Variants in SYT2 observed in about 807,000 individuals in gnomAD.
The protein encoded by SYT2 is synaptotagmin 2, also known as synaptotagmin-2.
Under a neutral mutation model 39.9 loss-of-function variants are expected in SYT2, and 15 were observed. That is an observed-to-expected ratio of 0.38 (90% CI 0.25 to 0.58). The LOEUF (loss-of-function observed/expected upper bound fraction) is 0.58. Ranked by LOEUF, SYT2 falls within the 20% of genes least tolerant of loss-of-function variation. The pLI is 0.70. For synonymous variants in SYT2, 181 were observed against 204.5 expected, an observed-to-expected ratio of 0.89 and a Z score of 0.98; for missense variants, 389 against 530.3, an observed-to-expected ratio of 0.73 and a Z score of 2.62.
Position 202,599,201 on chromosome 1 carries a change from A to G in SYT2, c.1053+17T>C. The stretch of plus-strand genomic sequence containing the variant: ...CCCAAACCCTGCTCCATGCCTAGGA[A>G]CCCAGGGCTCCAGCACCTGAATCTG... On this transcript the variant is annotated intron_variant, in intron 8 of 8. Transcript: ENST00000367268. The surrounding 1 kb of genome is among the most constrained non-coding windows in gnomAD (Gnocchi z 4.4). 6.2e-7 allele frequency: 1 copy of G among 1,612,654 alleles called. No homozygotes were observed.
chr1:202,699,303 C>T (rs975609499), intron 1 of SYT2, among the ~76,000 whole-genome samples: 1 of 152,026 alleles, frequency 6.6e-6, no homozygotes, highest in Non-Finnish European at 1.5e-5. Flanking sequence ...ATTACAGGTG[C>T]GAGCCACTGC....
chr1:202,627,661 G>A, intron 1 of SYT2: 6 of 983,324 alleles, frequency 6.1e-6, no homozygotes, highest in Non-Finnish European at 7.2e-6. Context: ...TGGTTAATGA[G>A]GGTTTGACCA....
chr1:202,638,006 C>T (rs911433905), intron 1 of SYT2, among the ~76,000 whole-genome samples: 7 of 152,370 alleles, frequency 4.6e-5, no homozygotes, highest in South Asian at 4.1e-4. Context: ...TTGCCAACAG[C>T]GGGCAATTCC....
chr1:202,620,258 G>A (rs1691167984), intron 1 of SYT2, among the ~76,000 whole-genome samples: 1 of 152,232 alleles, frequency 6.6e-6, no homozygotes, highest in East Asian at 1.9e-4. Flanking sequence ...GCCTCTGCAA[G>A]TGGCCCCAGG....
At position 202,628,176 on chromosome 1, in the gene SYT2, G is replaced by A. The variant is rs1191462580; in HGVS notation, c.-17-22387C>T. Among the ~76,000 whole-genome samples the A allele has an allele frequency of 6.6e-6, 1 of 152,198 alleles. No homozygotes were observed. The highest frequency in any genetic ancestry group is 1.5e-5 in the Non-Finnish European group (1 of 68,046). On this transcript the variant is annotated intron_variant, in intron 1 of 8. Transcript: ENST00000367268. This position sits in a 1 kb window ranked among gnomAD's most constrained non-coding sequence, Gnocchi z 4.2. ...TTTCATCCGGGCCTTGTGAGGTGGG[G>A]ACTGTGATTCCCATTTTGTAATTGA...
At chr1:202,659,255 G>C (rs1398324929) in intron 1 of SYT2, among the ~76,000 whole-genome samples, 1 of 152,144 alleles carries the variant, frequency 6.6e-6, no homozygotes, top group African/African-American at 2.4e-5. Context: ...CTGATCTTGG[G>C]TTTCATTTTA....
At chr1:202,627,454 G>A (rs1351037122) in intron 1 of SYT2, 1 of 985,302 alleles carries the variant, frequency 1.0e-6, no homozygotes, top group Non-Finnish European at 1.2e-6. Flanking sequence ...AGCCAAAAGA[G>A]GCACCCTGTC....
At chr1:202,670,677 C>T (rs1383273884) in intron 1 of SYT2, among the ~76,000 whole-genome samples, 2 of 152,224 alleles carry the variant, frequency 1.3e-5, no homozygotes, top group East Asian at 3.8e-4. Flanking sequence ...GTTGGAACAA[C>T]ATGGGTGGGC....
intron 1 of SYT2, among the ~76,000 whole-genome samples, chr1:202,625,598 G>A (rs766167425): frequency 2.0e-4 from 30 of 151,924 alleles, no homozygotes; most frequent in Non-Finnish European, 3.1e-4. Flanking sequence ...GAGACCTAGC[G>A]GTGCCCCCTG....
intron 1 of SYT2, among the ~76,000 whole-genome samples, chr1:202,705,537 T>G (rs893956296): frequency 1.3e-5 from 2 of 152,174 alleles, no homozygotes; most frequent in African/African-American, 4.8e-5. Flanking sequence ...TTCTTTCAGA[T>G]TTGGAGGCTG....
chr1:202,673,321 G>C (rs1346318676), intron 1 of SYT2, among the ~76,000 whole-genome samples: 1 of 152,142 alleles, frequency 6.6e-6, no homozygotes, highest in East Asian at 1.9e-4. Flanking sequence ...TAAGTTAAAA[G>C]GTACGTGAAA....
At chr1:202,617,440 C>T (rs569820772) in intron 1 of SYT2, among the ~76,000 whole-genome samples, 2 of 152,248 alleles carry the variant, frequency 1.3e-5, no homozygotes, top group Non-Finnish European at 2.9e-5. Flanking sequence ...CTTCACCTCC[C>T]CCCATGATTG....
chr1:202,600,545 C>G, intron 6 of SYT2, 71 bp from the exon 7 acceptor site: 1 of 1,452,826 alleles, frequency 6.9e-7, no homozygotes, highest in Non-Finnish European at 9.6e-7. Flanking sequence ...TGACCTCTTT[C>G]TTGCCAAAAT....
At position 202,594,171 on chromosome 1, in the gene SYT2, C is replaced by T. The variant is rs1284666122; in HGVS notation, c.*2586G>A. 6.6e-6 allele frequency: 1 copy of T among 152,352 alleles called. No homozygotes were observed. The highest frequency in any genetic ancestry group is 6.5e-5 in the Admixed American group (1 of 15,278). The allele number at this position is 152,352 out of a possible 1,614,324, so 9.4% of individuals were successfully genotyped here. On this transcript the variant is annotated 3_prime_UTR_variant, in exon 9 of 9. Transcript: ENST00000367268. ...CTGGCTCCACACTGGTGTCAACGTT[C>T]AAAATCACTCAGCAACCTGTCCCCA...
intron 1 of SYT2, among the ~76,000 whole-genome samples, chr1:202,671,336 A>G (rs1572670279): frequency 6.6e-6 from 1 of 152,242 alleles, no homozygotes; most frequent in African/African-American, 2.4e-5. Context: ...GCCAGTCCCC[A>G]GCACAGCACC....
intron 2 of SYT2, 174 bp downstream of exon 2, chr1:202,605,421 G>A (rs1430399369): frequency 5.7e-6 from 3 of 527,924 alleles, no homozygotes; most frequent in African/African-American, 3.8e-5. Context: ...CCACATTAGT[G>A]GCAGATCCTA....
intron 1 of SYT2, among the ~76,000 whole-genome samples, chr1:202,686,580 C>T (rs888353565): frequency 6.6e-6 from 1 of 152,152 alleles, no homozygotes; most frequent in Non-Finnish European, 1.5e-5. Flanking sequence ...TCAGGTCCTC[C>T]TGAGGGGCCA....
chr1:202,600,305 G>A, intron 7 of SYT2, 52 bp downstream of exon 7: 1 of 1,485,518 alleles, frequency 6.7e-7, no homozygotes. Flanking sequence ...GGGACTTGGT[G>A]CTGACTGGCT....
chr1:202,697,305 C>T (rs1314223899), intron 1 of SYT2, among the ~76,000 whole-genome samples: 2 of 152,234 alleles, frequency 1.3e-5, no homozygotes, highest in African/African-American at 4.8e-5. Flanking sequence ...AGGGGGCCAG[C>T]GTCACCTGAG....
Sources: allele counts gnomAD v4.1 joint callset (sites outside exome capture counted in the v4.1 genomes callset), GRCh38; gene constraint gnomAD v4.1.1; non-coding constraint Gnocchi (gnomAD v3.1); transcripts MANE v1.5; gene names NCBI Gene and HGNC (gene_info 2026-07-23, HGNC 2026-07-21).